The following SGCZ variants were observed in gnomAD, a reference collection of about 807,000 sequenced individuals.
SGCZ encodes sarcoglycan zeta.
In SGCZ, 40 loss-of-function variants were observed where a neutral mutation model predicts 41.3. The ratio of observed to expected loss-of-function variants is 0.97; its 90% CI spans 0.75 to 1.26. The LOEUF is 1.26. Ranked by LOEUF, SGCZ falls within the 50% of genes most tolerant of loss-of-function variation. The pLI is 0.00. For synonymous variants in SGCZ, 206 were observed against 137.5 expected, an observed-to-expected ratio of 1.50 and a Z score of -3.49; for missense variants, 552 against 369.8, an observed-to-expected ratio of 1.49 and a Z score of -4.04.
At chr8:14,722,018 T>A (rs1357996169) in intron 1 of SGCZ, among the ~76,000 whole-genome samples, 1 of 152,208 alleles carries the variant, frequency 6.6e-6, no homozygotes, top group Non-Finnish European at 1.5e-5. Flanking sequence ...CATTTCATTG[T>A]GATCTTCTTT....
intron 1 of SGCZ, among the ~76,000 whole-genome samples, chr8:15,107,417 G>C (rs534419891): frequency 6.6e-6 from 1 of 152,136 alleles, no homozygotes; most frequent in African/African-American, 2.4e-5. Context: ...CTCCTTCAGG[G>C]TGAGAGGATT....
At chr8:14,582,175 G>A (rs1563130813) in intron 1 of SGCZ, among the ~76,000 whole-genome samples, 1 of 152,060 alleles carries the variant, frequency 6.6e-6, no homozygotes, top group East Asian at 1.9e-4. Flanking sequence ...TTATATATAT[G>A]TATAACCTAC....
At chr8:14,734,893 G>A (rs924361382) in intron 1 of SGCZ, among the ~76,000 whole-genome samples, 7 of 152,112 alleles carry the variant, frequency 4.6e-5, no homozygotes, top group East Asian at 1.9e-4. Flanking sequence ...TATTGATAAC[G>A]TTAGTTTTCT....
chr8:14,196,853 T>C (rs1461224626), intron 4 of SGCZ, among the ~76,000 whole-genome samples: 8 of 152,136 alleles, frequency 5.3e-5, no homozygotes, highest in South Asian at 2.1e-4. Context: ...GAAAACAAAA[T>C]TGAATACTTC....
intron 1 of SGCZ, among the ~76,000 whole-genome samples, chr8:14,772,676 G>A (rs1273977056): frequency 2.0e-5 from 3 of 149,344 alleles, no homozygotes; most frequent in Non-Finnish European, 3.0e-5. Flanking sequence ...AGAACATGCG[G>A]TGTTTGGTTT....
chr8:15,044,079 A>G (rs17608868), intron 1 of SGCZ, among the ~76,000 whole-genome samples: 6,145 of 152,234 alleles, frequency 0.04, 326 homozygotes, highest in East Asian at 0.26. Context: ...CTGTATTTGC[A>G]TATTATTTAG....
At chr8:15,211,048 G>GATATAGATAGAT (rs1554478394) in intron 1 of SGCZ, among the ~76,000 whole-genome samples, 3 of 142,818 alleles carry the variant, frequency 2.1e-5, no homozygotes, top group Non-Finnish European at 4.6e-5. Context: ...TATAGATATA[G>GATATAGATAGAT]ATAGATATAG....
intron 1 of SGCZ, among the ~76,000 whole-genome samples, chr8:15,159,190 T>C (rs1296528555): frequency 2.0e-5 from 3 of 152,078 alleles, no homozygotes; most frequent in Non-Finnish European, 4.4e-5. Context: ...GAGCAAAGGG[T>C]TTAGATAGCT....
intron 1 of SGCZ, among the ~76,000 whole-genome samples, chr8:14,589,174 TA>T (rs1475842024): frequency 6.6e-6 from 1 of 151,762 alleles, no homozygotes; most frequent in African/African-American, 2.4e-5. Flanking sequence ...CCCTCAAACT[TA>T]AAATAAATAT....
At chr8:14,230,746 T>G (rs955283574) in intron 4 of SGCZ, among the ~76,000 whole-genome samples, 1 of 132,570 alleles carries the variant, frequency 7.5e-6, no homozygotes, top group Non-Finnish European at 1.7e-5. Context: ...CTTCTTTCCT[T>G]CTTTTTTTTT....
chr8:14,550,685 A>C (rs1803776487), intron 2 of SGCZ, among the ~76,000 whole-genome samples: 1 of 151,982 alleles, frequency 6.6e-6, no homozygotes, highest in Non-Finnish European at 1.5e-5. Flanking sequence ...GGTCTTAACC[A>C]GCAATAGGAG....
intron 3 of SGCZ, among the ~76,000 whole-genome samples, chr8:14,278,841 A>G (rs922478476): frequency 6.6e-6 from 1 of 152,142 alleles, no homozygotes; most frequent in African/African-American, 2.4e-5. Context: ...GATATACTCA[A>G]AACACGCACA....
intron 1 of SGCZ, among the ~76,000 whole-genome samples, chr8:14,654,468 A>T (rs900309788): frequency 1.3e-5 from 2 of 152,260 alleles, no homozygotes; most frequent in African/African-American, 2.4e-5. Flanking sequence ...AGCATGTAAA[A>T]ATATTTAAAT....
intron 4 of SGCZ, among the ~76,000 whole-genome samples, chr8:14,197,124 A>G (rs1231003177): frequency 6.6e-6 from 1 of 152,210 alleles, no homozygotes; most frequent in Non-Finnish European, 1.5e-5. Context: ...ATAGCAATAC[A>G]GTTGTTATAA....
At chr8:14,944,249 G>C (rs1800370601) in intron 1 of SGCZ, among the ~76,000 whole-genome samples, 1 of 152,058 alleles carries the variant, frequency 6.6e-6, no homozygotes, top group African/African-American at 2.4e-5. Context: ...GCACATTTTA[G>C]TCCTCAGTTT....
rs62490849 is a variant in SGCZ at position 14,144,606 on chromosome 8, T to C, written c.547+19974A>G. On this transcript the variant is annotated intron_variant, in intron 5 of 7. Coordinates refer to ENST00000382080, the MANE Select transcript of SGCZ (RefSeq NM_139167.4). The stretch of plus-strand genomic sequence containing the variant: ...TACTGGAGAAAAGCAGAGGGAAAAG[T>C]AAAAGGAAGACCAAGTCTTGTATCT... Among the ~76,000 whole-genome samples the C allele has an allele frequency of 2.2e-3, 339 of 152,180 alleles. 2 individuals are homozygous for C. The highest frequency in any genetic ancestry group is 8.2e-3 in the East Asian group (42 of 5,144).
At chr8:14,249,583 T>C (rs1360479555) in intron 3 of SGCZ, among the ~76,000 whole-genome samples, 1 of 152,212 alleles carries the variant, frequency 6.6e-6, no homozygotes, top group Non-Finnish European at 1.5e-5. Context: ...TCGCATACTT[T>C]GAAGCATTTT....
intron 1 of SGCZ, among the ~76,000 whole-genome samples, chr8:15,156,182 T>C (rs1051126432): frequency 6.6e-6 from 1 of 152,166 alleles, no homozygotes; most frequent in Non-Finnish European, 1.5e-5. Flanking sequence ...ACTCCAGTTT[T>C]CAAGGAGACT....
At chr8:14,602,115 G>A (rs1024325971) in intron 1 of SGCZ, among the ~76,000 whole-genome samples, 8 of 151,708 alleles carry the variant, frequency 5.3e-5, no homozygotes, top group Non-Finnish European at 1.2e-4. Flanking sequence ...GCGAGTCTCC[G>A]TCTGAAAAAA....
Sources: allele counts gnomAD v4.1 joint callset (sites outside exome capture counted in the v4.1 genomes callset), GRCh38; gene constraint gnomAD v4.1.1; transcripts MANE v1.5; gene names NCBI Gene and HGNC (gene_info 2026-07-23, HGNC 2026-07-21).